Variants in CDK6 observed in about 807,000 individuals in gnomAD.
The protein encoded by CDK6 is cyclin-dependent kinase 6.
A neutral mutation model predicts 37.1 loss-of-function variants in CDK6; 6 were observed. The ratio of observed to expected loss-of-function variants is 0.16; its 90% CI spans 0.09 to 0.32. The LOEUF is 0.32. CDK6 is among the 10% of genes least tolerant of loss of function. The pLI is 1.00. For synonymous variants in CDK6, 160 were observed against 161.3 expected (o/e 0.99, Z 0.06); for missense variants, 224 against 418.9 (o/e 0.53, Z 4.06).
chr7:92,789,079 C>A (rs1302188323), intron 2 of CDK6, among the ~76,000 whole-genome samples: 1 of 152,026 alleles, frequency 6.6e-6, no homozygotes, highest in African/African-American at 2.4e-5. Context: ...TGAACTATGA[C>A]TGCACCACTG....
intron 2 of CDK6, among the ~76,000 whole-genome samples, chr7:92,794,646 T>A (rs1800362197): frequency 6.6e-6 from 1 of 152,096 alleles, no homozygotes; most frequent in Non-Finnish European, 1.5e-5. Flanking sequence ...ATATCCTTAC[T>A]GTCTCCCCTT....
At chr7:92,671,129 AAT>A (rs1797063327) in intron 5 of CDK6, 1 of 218,768 alleles carries the variant, frequency 4.6e-6, no homozygotes, top group Admixed American at 5.8e-5. Context: ...AAAATGCGAA[AAT>A]ATGTGTTATT....
intron 2 of CDK6, among the ~76,000 whole-genome samples, chr7:92,775,821 T>C (rs564842902): frequency 2.0e-5 from 3 of 152,326 alleles, no homozygotes; most frequent in African/African-American, 7.2e-5. Flanking sequence ...ATTGAATAAA[T>C]GCCTTCTTCA....
At chr7:92,631,351 TA>T (rs1562917049) in intron 5 of CDK6, among the ~76,000 whole-genome samples, 2 of 152,068 alleles carry the variant, frequency 1.3e-5, no homozygotes, top group African/African-American at 2.4e-5. Flanking sequence ...CAGAATTTTT[TA>T]AAAAAATTAA....
chr7:92,632,218 T>C (rs891171620), intron 5 of CDK6, among the ~76,000 whole-genome samples: 1 of 152,142 alleles, frequency 6.6e-6, no homozygotes, highest in Non-Finnish European at 1.5e-5. Flanking sequence ...AATGACATCT[T>C]TCTGAGGCTG....
chr7:92,771,066 G>C (rs891287133), intron 3 of CDK6, among the ~76,000 whole-genome samples: 1 of 151,736 alleles, frequency 6.6e-6, no homozygotes. Flanking sequence ...GTGAAACCCA[G>C]TCTCTACTAA....
At position 92,680,311 on chromosome 7, in the gene CDK6, A is replaced by T. The variant is rs150859161; in HGVS notation, c.538-8776T>A. On this transcript the variant is annotated intron_variant, in intron 4 of 7. Transcript: ENST00000424848. ...GTCGGGCATGGTGGTGCATGCCTGTAATCCCAGCTATTCAGGAGGCTGAGG... is the reference window on the plus strand; with the variant it reads ...GTCGGGCATGGTGGTGCATGCCTGTTATCCCAGCTATTCAGGAGGCTGAGG... Among the ~76,000 whole-genome samples, 826 of 151,242 alleles carry T rather than the reference A, an allele frequency of 5.5e-3. 7 individuals carry two copies. The highest frequency in any genetic ancestry group is 0.019 in the African/African-American group (795 of 41,230).
chr7:92,632,792 CAG>C (rs3731344), intron 5 of CDK6, among the ~76,000 whole-genome samples: 8,905 of 151,856 alleles, frequency 0.059, 932 homozygotes, highest in African/African-American at 0.2. Context: ...TAAAAAGTAA[CAG>C]ATTATCTTGA....
chr7:92,746,329 C>T (rs1799057308), intron 3 of CDK6, among the ~76,000 whole-genome samples: 1 of 152,122 alleles, frequency 6.6e-6, no homozygotes, highest in South Asian at 2.1e-4. Context: ...TTCCAGATTA[C>T]CTCCAAAATG....
At chr7:92,616,682 G>C (rs1315948300) in intron 7 of CDK6, among the ~76,000 whole-genome samples, 1 of 152,138 alleles carries the variant, frequency 6.6e-6, no homozygotes, top group East Asian at 1.9e-4. Context: ...TAATCTCCAG[G>C]ACATAGGAAA....
intron 2 of CDK6, among the ~76,000 whole-genome samples, chr7:92,828,575 ATTTGT>A (rs1801392160): frequency 6.6e-6 from 1 of 152,148 alleles, no homozygotes; most frequent in South Asian, 2.1e-4. Flanking sequence ...ATAGTGAGAC[ATTTGT>A]TTTTTTAAAA....
chr7:92,658,241 T>C lies in CDK6; in HGVS notation c.647+13185A>G, dbSNP rs555714184. ...TTTGCATGTCATTTGACCCTGTAATTTCACTTCTGGAATTTACTGTACAGA... is the reference window on the plus strand; with the variant it reads ...TTTGCATGTCATTTGACCCTGTAATCTCACTTCTGGAATTTACTGTACAGA... On this transcript the variant is annotated intron_variant, in intron 5 of 7. Transcript: ENST00000424848. 7.2e-5 allele frequency among the ~76,000 whole-genome samples: 11 copies of C among 152,350 alleles called. No homozygotes were observed. In the South Asian group the frequency reaches 2.3e-3, roughly 32 times the overall value.
rs202079914 is a variant in CDK6, at chr7:92,664,214, C to CA, written c.647+7211dup. 6.1e-3 allele frequency among the ~76,000 whole-genome samples: 929 copies of CA among 151,970 alleles called. 3 individuals are homozygous for CA. The highest frequency in any genetic ancestry group is 0.011 in the Non-Finnish European group (723 of 67,948). ...TAAAGGAAGAAAAAAAAAACAAAAACAGAGTCTAGGAAAATATCCAACAAA... is the reference window on the plus strand; with the variant it reads ...TAAAGGAAGAAAAAAAAAACAAAAACAAGAGTCTAGGAAAATATCCAACAAA... On this transcript the variant is annotated intron_variant, in intron 5 of 7. Transcript: ENST00000424848.
intron 2 of CDK6, among the ~76,000 whole-genome samples, chr7:92,831,381 T>C (rs1307854600): frequency 1.3e-5 from 2 of 152,202 alleles, no homozygotes; most frequent in African/African-American, 2.4e-5. Context: ...ATATACATGA[T>C]AAGCACCCTT....
intron 3 of CDK6, among the ~76,000 whole-genome samples, chr7:92,728,870 C>G (rs755803661): frequency 5.9e-5 from 9 of 152,088 alleles, no homozygotes; most frequent in Non-Finnish European, 1.2e-4. Flanking sequence ...AAAACAAAAT[C>G]TTGCCCAACA....
At chr7:92,701,409 C>CTT (rs1158011467) in intron 4 of CDK6, among the ~76,000 whole-genome samples, 9 of 146,098 alleles carry the variant, frequency 6.2e-5, no homozygotes, top group Non-Finnish European at 4.5e-5. Flanking sequence ...AGCTTACACA[C>CTT]TTTTTTTTTT....
At chr7:92,828,869 AAAC>A (rs1321150766) in intron 2 of CDK6, among the ~76,000 whole-genome samples, 1 of 152,208 alleles carries the variant, frequency 6.6e-6, no homozygotes, top group African/African-American at 2.4e-5. Context: ...TTTATTTACT[AAAC>A]AACCTTGAAA....
chr7:92,760,402 T>C, intron 3 of CDK6, among the ~76,000 whole-genome samples: 1 of 152,190 alleles, frequency 6.6e-6, no homozygotes, highest in Admixed American at 6.5e-5. Flanking sequence ...TTACAAAACC[T>C]GTCCCTTTGT....
chr7:92,672,172 C>CAT (rs1797092272), intron 4 of CDK6, among the ~76,000 whole-genome samples: 18 of 95,422 alleles, frequency 1.9e-4, no homozygotes, highest in South Asian at 8.8e-4. Flanking sequence ...CACATACACA[C>CAT]ACACACACAC....
Sources: gnomAD v4.1 joint callset for allele counts (sites outside exome capture counted in the v4.1 genomes callset) on GRCh38, gnomAD v4.1.1 for gene constraint, MANE v1.5 for transcripts, NCBI Gene and HGNC (gene_info 2026-07-23, HGNC 2026-07-21) for gene names.